The following UGT1A5 variants were observed in gnomAD, a reference collection of about 807,000 sequenced individuals.
UGT1A5 encodes UDP-glucuronosyltransferase 1A5.
UGT1A5 carries 29 observed loss-of-function variants against 40.3 expected under a neutral mutation model. The observed-to-expected ratio is 0.72, with a 90% CI of 0.54 to 0.98. The LOEUF (loss-of-function observed/expected upper bound fraction) is 0.98, where lower values mean the gene tolerates loss of function less well. Among genes scored for constraint, UGT1A5 ranks in the 50% least tolerant of loss-of-function variants. The pLI, the probability that UGT1A5 is intolerant of heterozygous loss-of-function variation, is 0.00. For missense variants in UGT1A5, 678 were observed against 677.9 expected (o/e 1.00, Z 0.00); for synonymous variants, 257 against 262.5 (o/e 0.98, Z 0.20).
intron 1 of UGT1A5, chr2:233,743,933 G>T (rs1319527828): frequency 7.4e-7 from 1 of 1,357,046 alleles, no homozygotes; most frequent in African/African-American, 1.5e-5. Context: ...TGGCCAGAAC[G>T]GCCCACCAGG....
intron 1 of UGT1A5, among the ~76,000 whole-genome samples, chr2:233,728,671 C>T (rs1367179022): frequency 6.6e-6 from 1 of 152,178 alleles, no homozygotes; most frequent in Non-Finnish European, 1.5e-5. Flanking sequence ...GTTACTCATA[C>T]ATGAGAAGAA....
chr2:233,754,621 C>T (rs773983465), intron 1 of UGT1A5: 4 of 441,750 alleles, frequency 9.1e-6, no homozygotes, highest in South Asian at 6.4e-5. Flanking sequence ...TCTTCCTCCA[C>T]TTCCACCCTT....
At position 233,713,511 on chromosome 2, in the gene UGT1A5, A is replaced by G. The variant is rs763014830; in HGVS notation, c.520A>G (p.Arg174Gly). Residue 174 changes from arginine to glycine, a missense_variant, in exon 1 of 5, where the codon AGG becomes GGG. Transcript: ENST00000373414. ...GTCGATTCCTGCTGTGTTTTTCTTG[A>G]GGAACATTCCATGTGATTTAGACTT... ...YLSIPAVFFL[R>G]NIPCDLDFKG... 25 of 1,613,762 alleles carry G rather than the reference A, an allele frequency of 1.5e-5. No homozygotes were observed. In the East Asian group the frequency reaches 4.7e-4, roughly 30 times the overall value.
At chr2:233,724,542 G>A (rs1366832768) in intron 1 of UGT1A5, among the ~76,000 whole-genome samples, 3 of 123,126 alleles carry the variant, frequency 2.4e-5, no homozygotes, top group East Asian at 2.5e-4. Context: ...GGGCAGAGGC[G>A]CTCCTCACAT....
At chr2:233,743,449 G>A in intron 1 of UGT1A5, 2 of 1,365,064 alleles carry the variant, frequency 1.5e-6, no homozygotes, top group African/African-American at 3.0e-5. Context: ...TGTATCAAAA[G>A]AAGAAAAAAC....
At chr2:233,743,463 C>G in intron 1 of UGT1A5, 1 of 1,366,450 alleles carries the variant, frequency 7.3e-7, no homozygotes, top group African/African-American at 1.5e-5. Flanking sequence ...AAAAAACACC[C>G]CCAAAAGCTG....
At chr2:233,746,793 T>G (rs1030985091) in intron 1 of UGT1A5, among the ~76,000 whole-genome samples, 4 of 151,826 alleles carry the variant, frequency 2.6e-5, no homozygotes, top group Non-Finnish European at 4.4e-5. Context: ...TTGTAATTCA[T>G]GAGCGTGAAT....
At position 233,769,612 on chromosome 2, in the gene UGT1A5, G is replaced by A. The variant is rs1699905681; in HGVS notation, c.1307+1173G>A. ...GGAGACGGAACACGGGGACACACCA[G>A]CTTGAGCAAGGGACAACAGGGGAGG... On this transcript the variant is annotated intron_variant, in intron 4 of 4. Transcript: ENST00000373414. This position sits in a 1 kb window ranked among gnomAD's most constrained non-coding sequence, Gnocchi z 4.4. 1 of 1,612,734 alleles carries A rather than the reference G, an allele frequency of 6.2e-7. No homozygotes were observed. The highest frequency in any genetic ancestry group is 8.5e-7 in the Non-Finnish European group (1 of 1,179,852).
intron 1 of UGT1A5, chr2:233,760,404 C>T (rs1211296854): frequency 1.2e-6 from 2 of 1,614,220 alleles, no homozygotes; most frequent in Non-Finnish European, 8.5e-7. Flanking sequence ...ATGGCAGCCA[C>T]TGGCTGAGCA....
At chr2:233,770,978 T>C (rs1192605361) in intron 4 of UGT1A5, 1 of 152,076 alleles carries the variant, frequency 6.6e-6, no homozygotes, top group Non-Finnish European at 1.5e-5. Flanking sequence ...CAGAAGGCAA[T>C]GCGGGAGCTT....
chr2:233,730,800 A>G (rs1400494303), intron 1 of UGT1A5, among the ~76,000 whole-genome samples: 1 of 152,180 alleles, frequency 6.6e-6, no homozygotes, highest in Non-Finnish European at 1.5e-5. Context: ...TGATGAATGG[A>G]CATGCGTCCA....
intron 1 of UGT1A5, chr2:233,760,314 C>T (rs2125982476): frequency 1.2e-6 from 2 of 1,613,914 alleles, no homozygotes; most frequent in Non-Finnish European, 1.7e-6. Context: ...AGGGCGGACG[C>T]CCACTTGTCC....
At chr2:233,762,731 G>A (rs574048851) in intron 1 of UGT1A5, among the ~76,000 whole-genome samples, 140 of 149,512 alleles carry the variant, frequency 9.4e-4, no homozygotes, top group African/African-American at 3.3e-3. Context: ...TTTTTTTTTG[G>A]TCACTACTGT....
intron 1 of UGT1A5, among the ~76,000 whole-genome samples, chr2:233,765,362 C>T (rs923355848): frequency 3.3e-5 from 5 of 152,128 alleles, no homozygotes; most frequent in African/African-American, 7.2e-5. Context: ...AACCCAGATG[C>T]CCATCAATGG....
chr2:233,766,585 G>A (rs1016585528), intron 1 of UGT1A5, among the ~76,000 whole-genome samples: 22 of 152,180 alleles, frequency 1.4e-4, no homozygotes, highest in African/African-American at 5.3e-4. Flanking sequence ...TGGGGGTGGA[G>A]CCCTCGCCAG....
At chr2:233,758,458 C>T (rs1696885230) in intron 1 of UGT1A5, among the ~76,000 whole-genome samples, 1 of 152,224 alleles carries the variant, frequency 6.6e-6, no homozygotes, top group Non-Finnish European at 1.5e-5. Context: ...GAAGAATTAT[C>T]ACCCTTAAGG....
At chr2:233,737,640 G>A (rs1245829598) in intron 1 of UGT1A5, among the ~76,000 whole-genome samples, 6 of 152,138 alleles carry the variant, frequency 3.9e-5, no homozygotes, top group African/African-American at 7.2e-5. Context: ...CTTCTGCGTC[G>A]ATCATGCTGG....
At chr2:233,721,315 T>C (rs1187847952) in intron 1 of UGT1A5, among the ~76,000 whole-genome samples, 1 of 152,192 alleles carries the variant, frequency 6.6e-6, no homozygotes, top group Non-Finnish European at 1.5e-5. Context: ...ATTGTGGCTC[T>C]TTTCTTGTGG....
At chr2:233,716,855 C>T (rs1330828903) in intron 1 of UGT1A5, among the ~76,000 whole-genome samples, 6 of 152,192 alleles carry the variant, frequency 3.9e-5, no homozygotes, top group African/African-American at 1.4e-4. Context: ...ACCACATATG[C>T]TGATGGCTCC....
Sources: gnomAD v4.1 joint callset for allele counts (sites outside exome capture counted in the v4.1 genomes callset) on GRCh38, gnomAD v4.1.1 for gene constraint, Gnocchi (gnomAD v3.1) non-coding constraint, MANE v1.5 for transcripts, NCBI Gene and HGNC (gene_info 2026-07-23, HGNC 2026-07-21) for gene names.